Variants in MMP26 observed in about 807,000 individuals in gnomAD.
MMP26 encodes matrix metalloproteinase-26.
In MMP26, 33 loss-of-function variants were observed where a neutral mutation model predicts 31.0. That is an observed-to-expected ratio of 1.06 (90% CI 0.81 to 1.42). MMP26 has a LOEUF of 1.42. MMP26 is among the 40% of genes most tolerant of loss of function. The pLI is 0.00. For synonymous variants in MMP26, 122 were observed against 114.9 expected (o/e 1.06, Z -0.40); for missense variants, 347 against 316.1 (o/e 1.10, Z -0.74).
At chr11:4,813,157 A>G (rs10768257) in intron 2 of MMP26, among the ~76,000 whole-genome samples, 96,036 of 151,708 alleles carry the variant, frequency 0.63, 31,303 homozygotes, top group Middle Eastern at 0.76. Context: ...GGTGCCTGCC[A>G]CCATGTTAAT....
At chr11:4,937,640 A>T (rs907051925) in intron 2 of MMP26, 1 of 152,734 alleles carries the variant, frequency 6.5e-6, no homozygotes, top group Admixed American at 6.6e-5. Context: ...ATCATAATTT[A>T]GGAGAAGGTA....
intron 1 of MMP26, among the ~76,000 whole-genome samples, chr11:4,762,855 A>G (rs963836757): frequency 7.9e-5 from 12 of 152,186 alleles, no homozygotes; most frequent in African/African-American, 2.2e-4. Flanking sequence ...AAACTGGTCT[A>G]CTAATAACTG....
intron 1 of MMP26, among the ~76,000 whole-genome samples, chr11:4,717,712 G>A (rs138014064): frequency 0.015 from 2,245 of 152,120 alleles, 62 homozygotes; most frequent in African/African-American, 0.051. Flanking sequence ...TTTCACATAC[G>A]TTAATCTTCA....
intron 2 of MMP26, among the ~76,000 whole-genome samples, chr11:4,788,174 AC>A (rs1323775371): frequency 6.6e-6 from 1 of 152,060 alleles, no homozygotes; most frequent in Non-Finnish European, 1.5e-5. Flanking sequence ...GGACACTATG[AC>A]CCTATTCCTC....
rs1227769530 is a variant in MMP26 at position 4,991,254 on chromosome 11, A to G, written c.470-117A>G. On this transcript the variant is annotated intron_variant, in intron 5 of 7. Transcript: ENST00000380390. ...ATAGATAATGCCTTAGCTCTCTCAC[A>G]TCCCCCAGTGGTAGACTGTTGCACA... 4 of 1,280,870 alleles carry G rather than the reference A, an allele frequency of 3.1e-6. No individual in the cohort carries two copies. In the African/African-American group the frequency reaches 5.9e-5, roughly 19 times the overall value. The allele number at this position is 1,280,870 out of a possible 1,614,324, so 79.3% of individuals were successfully genotyped here.
intron 1 of MMP26, among the ~76,000 whole-genome samples, chr11:4,750,913 AT>A (rs140570978): frequency 3.2e-4 from 49 of 151,256 alleles, no homozygotes; most frequent in African/African-American, 1.0e-3. Context: ...CCCTAAATCT[AT>A]TTTTTTTTAA....
intron 2 of MMP26, among the ~76,000 whole-genome samples, chr11:4,843,552 GT>G (rs1302163894): frequency 6.6e-6 from 1 of 152,222 alleles, no homozygotes; most frequent in Non-Finnish European, 1.5e-5. Context: ...GGAACGCAGG[GT>G]GCCATGTCTC....
chr11:4,715,790 C>A (rs1380969352), intron 1 of MMP26, among the ~76,000 whole-genome samples: 1 of 152,130 alleles, frequency 6.6e-6, no homozygotes, highest in Non-Finnish European at 1.5e-5. Context: ...TTGTCCTGAG[C>A]AATACCCATG....
intron 1 of MMP26, among the ~76,000 whole-genome samples, chr11:4,755,385 C>T (rs1339231583): frequency 6.6e-6 from 1 of 151,962 alleles, no homozygotes; most frequent in Non-Finnish European, 1.5e-5. Flanking sequence ...ACATTGAATA[C>T]ATCTCCATAG....
At chr11:4,707,243 T>A (rs2133261943) in intron 1 of MMP26, among the ~76,000 whole-genome samples, 1 of 152,350 alleles carries the variant, frequency 6.6e-6, no homozygotes, top group South Asian at 2.1e-4. Context: ...TATATCTCAC[T>A]GTGATTTTGA....
At chr11:4,965,811 A>G (rs530286655) in intron 2 of MMP26, among the ~76,000 whole-genome samples, 1 of 152,126 alleles carries the variant, frequency 6.6e-6, no homozygotes, top group South Asian at 2.1e-4. Context: ...GGTTCCATGG[A>G]CTTTCTTCTA....
chr11:4,882,995 G>C, intron 2 of MMP26: 1 of 767,300 alleles, frequency 1.3e-6, no homozygotes, highest in East Asian at 2.7e-5. Flanking sequence ...TTTTAGGAGT[G>C]GGAAGAAGAC....
At chr11:4,928,135 C>T (rs1048667586) in intron 2 of MMP26, among the ~76,000 whole-genome samples, 20 of 151,904 alleles carry the variant, frequency 1.3e-4, no homozygotes, top group Admixed American at 1.2e-3. Context: ...ATTACTTAAT[C>T]TTTCTGAGAT....
chr11:4,986,905 T>TTCTCTCTCGCTC (rs1846899261), intron 2 of MMP26, among the ~76,000 whole-genome samples: 1 of 48,646 alleles, frequency 2.1e-5, no homozygotes, highest in Non-Finnish European at 3.9e-5. Flanking sequence ...CTTCCTTCCT[T>TTCTCTCTCGCTC]TCTCTCTCTC....
intron 2 of MMP26, chr11:4,942,689 A>G (rs1846231460): frequency 6.6e-6 from 1 of 152,170 alleles, no homozygotes; most frequent in East Asian, 1.9e-4. Context: ...GATTATTTTA[A>G]GAATGTTAAT....
At chr11:4,922,313 G>A (rs576729656) in intron 2 of MMP26, among the ~76,000 whole-genome samples, 3 of 152,154 alleles carry the variant, frequency 2.0e-5, no homozygotes, top group Admixed American at 1.3e-4. Context: ...TAACTAGAAA[G>A]AGAAGAAATT....
intron 2 of MMP26, among the ~76,000 whole-genome samples, chr11:4,940,711 C>T (rs1472442543): frequency 1.3e-5 from 2 of 152,248 alleles, no homozygotes; most frequent in East Asian, 1.9e-4. Context: ...AAATCTAGGG[C>T]CAAACTCATA....
intron 2 of MMP26, among the ~76,000 whole-genome samples, chr11:4,978,326 C>G (rs1439293606): frequency 6.6e-6 from 1 of 152,114 alleles, no homozygotes; most frequent in Non-Finnish European, 1.5e-5. Context: ...GATCACCTAA[C>G]AGTAAGCATA....
At chr11:4,871,727 A>G (rs1297023285) in intron 2 of MMP26, 1 of 152,190 alleles carries the variant, frequency 6.6e-6, no homozygotes, top group Non-Finnish European at 1.5e-5. Flanking sequence ...CTTGTCTCCT[A>G]GACCATACTT....
Sources: gnomAD v4.1 joint callset for allele counts (sites outside exome capture counted in the v4.1 genomes callset) on GRCh38, gnomAD v4.1.1 for gene constraint, MANE v1.5 for transcripts, NCBI Gene and HGNC (gene_info 2026-07-23, HGNC 2026-07-21) for gene names.